The following KIF1B variants were observed in gnomAD, a reference collection of about 807,000 sequenced individuals.
KIF1B encodes kinesin family member 1B.
In KIF1B, 76 loss-of-function variants were observed where a neutral mutation model predicts 241.9. The ratio of observed to expected loss-of-function variants is 0.31; its 90% confidence interval spans 0.26 to 0.38. The LOEUF is 0.38. Ranked by LOEUF, KIF1B falls within the 10% of genes least tolerant of loss-of-function variation. KIF1B has a pLI of 1.00. For missense variants in KIF1B, 1,622 were observed against 2,271.4 expected (o/e 0.71, Z 5.81); for synonymous variants, 750 against 796.7 (o/e 0.94, Z 0.99).
At chr1:10,305,004 C>G in intron 22 of KIF1B, 1 of 1,124,674 alleles carries the variant, frequency 8.9e-7, no homozygotes, top group East Asian at 4.6e-5. Context: ...CCAGAAAGAC[C>G]TGCCTCTTAG....
chr1:10,304,728 G>A, intron 22 of KIF1B: 5 of 1,576,870 alleles, frequency 3.2e-6, no homozygotes, highest in South Asian at 1.2e-5. Context: ...TCTACCTTTG[G>A]CCTTGAGTTC....
intron 1 of KIF1B, among the ~76,000 whole-genome samples, chr1:10,220,012 G>T (rs61775876): frequency 0.016 from 2,449 of 151,910 alleles, 65 homozygotes; most frequent in African/African-American, 0.055. Flanking sequence ...AGACCAGCCT[G>T]ACCAACATGG....
intron 15 of KIF1B, among the ~76,000 whole-genome samples, chr1:10,287,490 G>A (rs1040191414): frequency 1.3e-5 from 2 of 152,078 alleles, no homozygotes; most frequent in Non-Finnish European, 2.9e-5. Context: ...GCTTTTTTCA[G>A]CCCTGAAGTT....
chr1:10,365,476 G>A lies in KIF1B; in HGVS notation c.4580G>A (p.Ser1527Asn), dbSNP rs121908164. Residue 1527 changes from serine (S) to asparagine (N), a missense_variant, in exon 43 of 49, where the codon AGC becomes AAC. Ser to Asn is a conservative substitution (Grantham distance 46). Coordinates refer to ENST00000676179, the MANE Select transcript of KIF1B (RefSeq NM_001365951.3). This position sits in a 1 kb window ranked among gnomAD's most constrained non-coding sequence, Gnocchi z 4.0. ...RLGDSIPKSL[S>N]DSLSPSLSSG... is the part of the protein sequence containing the mutation. The stretch of plus-strand genomic sequence containing the variant: ...GGTGACAGCATCCCCAAATCCCTGA[G>A]CGACTCGTTATCCCCCAGCCTCAGC... The A allele has an allele frequency of 6.2e-6, 10 of 1,614,020 alleles. No individual in the cohort carries two copies. Among genetic ancestry groups the A allele is most frequent in the Non-Finnish European group, 7.6e-6 (9 of 1,180,036 alleles).
intron 2 of KIF1B, among the ~76,000 whole-genome samples, chr1:10,251,693 C>G (rs1430793605): frequency 6.6e-6 from 1 of 151,242 alleles, no homozygotes; most frequent in Non-Finnish European, 1.5e-5. Context: ...GAGATCCTAC[C>G]ATTGCACTCC....
In KIF1B at chr1:10,232,232, A is replaced by G; in HGVS notation, c.-79-18A>G. On this transcript the variant is annotated intron_variant, in intron 1 of 48. Coordinates refer to ENST00000676179, the MANE Select transcript of KIF1B (RefSeq NM_001365951.3). ...TTTAATTCTGACTACCTCATATGGA[A>G]TTTTTTTCTTTTCAAAGGAAACTTG... 1 of 880,314 alleles carries G rather than the reference A, an allele frequency of 1.1e-6. No individual in the cohort carries two copies. The highest frequency in any genetic ancestry group is 1.8e-6 in the Non-Finnish European group (1 of 545,918). 54.5% of individuals were successfully genotyped at this position (880,314 alleles called of 1,614,324 possible). A position where few individuals can be genotyped will look rare whatever the true frequency, so the allele number is the denominator to read the frequency against.
chr1:10,277,295 G>GA (rs1649169961), intron 12 of KIF1B, among the ~76,000 whole-genome samples: 1 of 150,198 alleles, frequency 6.7e-6, no homozygotes, highest in Non-Finnish European at 1.5e-5. Context: ...AAAAAAAAAA[G>GA]AAAAAAACAA....
intron 2 of KIF1B, among the ~76,000 whole-genome samples, chr1:10,251,012 A>C (rs539203976): frequency 6.6e-6 from 1 of 152,130 alleles, no homozygotes; most frequent in East Asian, 1.9e-4. Flanking sequence ...AGTAAAATAC[A>C]AAAATCAGCC....
At chr1:10,270,787 G>C (rs372941949) in intron 7 of KIF1B, among the ~76,000 whole-genome samples, 1 of 152,018 alleles carries the variant, frequency 6.6e-6, no homozygotes, top group South Asian at 2.1e-4. Context: ...TTAGCTGGGC[G>C]TGGTGGTGGG....
chr1:10,332,501 A>ATT lies in KIF1B; in HGVS notation c.2925-1988_2925-1987dup, dbSNP rs568393252. Among the ~76,000 whole-genome samples, 467 of 58,668 alleles carry ATT rather than the reference A, an allele frequency of 8.0e-3. 86 individuals are homozygous for ATT. Among genetic ancestry groups the ATT allele is most frequent in the African/African-American group, 0.029 (438 of 15,232 alleles). The allele number at this position is 58,668 out of a possible 152,430, so 38.5% of individuals were successfully genotyped here. ...GTCACCCTGCCTGAAGATAATAGTC[A>ATT]TTTTTTTTTTTTTTTTTTTTTTTTT... On this transcript the variant is annotated intron_variant, in intron 27 of 48. Transcript: ENST00000676179.
At chr1:10,260,949 G>A (rs1648104114) in intron 4 of KIF1B, among the ~76,000 whole-genome samples, 2 of 149,998 alleles carry the variant, frequency 1.3e-5, no homozygotes. Flanking sequence ...TATTCTATAA[G>A]CTTTTTTGTA....
chr1:10,258,783 C>G, intron 4 of KIF1B, 111 bp downstream of exon 4: 1 of 1,105,806 alleles, frequency 9.0e-7, no homozygotes. Flanking sequence ...TGTTTTATGT[C>G]AGGCACAAAG....
rs552136096 is a variant in KIF1B at position 10,353,743 on chromosome 1, C to T, written c.4055+1007C>T. 1.5e-3 allele frequency among the ~76,000 whole-genome samples: 221 copies of T among 152,218 alleles called. 1 individual carries two copies. The highest frequency in any genetic ancestry group is 2.5e-3 in the Non-Finnish European group (169 of 68,000). Reference sequence around the variant, plus strand: ...ATAGGAAAGAGAAAAAAGAAACAAACTTCTGTTTGCTGGCAGGGGCTGTGG... The same window carrying T: ...ATAGGAAAGAGAAAAAAGAAACAAATTTCTGTTTGCTGGCAGGGGCTGTGG... On this transcript the variant is annotated intron_variant, in intron 38 of 48. Coordinates refer to ENST00000676179, the MANE Select transcript of KIF1B (RefSeq NM_001365951.3).
intron 22 of KIF1B, chr1:10,304,267 C>G: frequency 6.2e-7 from 1 of 1,614,170 alleles, no homozygotes; most frequent in Admixed American, 1.7e-5. Flanking sequence ...AATGAGAAGT[C>G]AAGATCACAT....
In KIF1B at chr1:10,331,250, T is replaced by C. The variant is rs141974136; in HGVS notation, c.2925-3270T>C. 6.9e-3 allele frequency among the ~76,000 whole-genome samples: 1,045 copies of C among 152,352 alleles called. 7 individuals are homozygous for C. Among genetic ancestry groups the C allele is most frequent in the Middle Eastern group, 0.01 (3 of 294 alleles). Reference sequence around the variant, plus strand: ...CCATAATAGAGGAGGGTGATCTGTGTATGTGTTGACTTTGAAAGTGAAATT... The same window carrying C: ...CCATAATAGAGGAGGGTGATCTGTGCATGTGTTGACTTTGAAAGTGAAATT... On this transcript the variant is annotated intron_variant, in intron 27 of 48. Coordinates refer to ENST00000676179, the MANE Select transcript of KIF1B (RefSeq NM_001365951.3).
intron 5 of KIF1B, among the ~76,000 whole-genome samples, chr1:10,262,466 C>T (rs1053860757): frequency 4.6e-5 from 7 of 152,146 alleles, no homozygotes; most frequent in African/African-American, 1.7e-4. Context: ...AATCTTTGTT[C>T]ATAAGTCTGT....
At chr1:10,227,032 CTTTTTTT>C (rs747870005) in intron 1 of KIF1B, among the ~76,000 whole-genome samples, 10,353 of 112,976 alleles carry the variant, frequency 0.092, 546 homozygotes, top group African/African-American at 0.19. Flanking sequence ...GCAAGTCTCT[CTTTTTTT>C]TTTTTTTTTT....
chr1:10,314,459 C>A (rs1174233461), intron 22 of KIF1B, among the ~76,000 whole-genome samples: 1 of 151,110 alleles, frequency 6.6e-6, no homozygotes, highest in Admixed American at 6.6e-5. Flanking sequence ...TCGCTGTGTC[C>A]TCCAGGCTGG....
chr1:10,346,529 T>A (rs1030836155), intron 35 of KIF1B, among the ~76,000 whole-genome samples: 1 of 152,128 alleles, frequency 6.6e-6, no homozygotes, highest in Non-Finnish European at 1.5e-5. Flanking sequence ...CACGCCAGGC[T>A]AATTTTTGTA....
Sources: gnomAD v4.1 joint callset for allele counts (sites outside exome capture counted in the v4.1 genomes callset) on GRCh38, gnomAD v4.1.1 for gene constraint, Gnocchi (gnomAD v3.1) non-coding constraint, MANE v1.5 for transcripts, NCBI Gene and HGNC (gene_info 2026-07-23, HGNC 2026-07-21) for gene names.